The following NRXN1 variants were observed in gnomAD, a reference collection of about 807,000 sequenced individuals.
NRXN1 encodes the protein neurexin 1.
Under a neutral mutation model 150.9 loss-of-function variants are expected in NRXN1, and 39 were observed. The observed-to-expected ratio is 0.26, with a 90% CI of 0.20 to 0.34. The LOEUF is 0.34. NRXN1 is among the 10% of genes least tolerant of loss of function. The pLI is 1.00. For missense variants in NRXN1, 1,815 were observed against 1,949.9 expected (o/e 0.93, Z 1.30); for synonymous variants, 924 against 757.0 (o/e 1.22, Z -3.62).
intron 8 of NRXN1, among the ~76,000 whole-genome samples, chr2:50,562,338 G>GATAGATAA (rs1669217767): frequency 6.6e-6 from 1 of 150,450 alleles, no homozygotes; most frequent in Admixed American, 6.6e-5. Context: ...ACGATAGATA[G>GATAGATAA]ATAGATAGAT....
At chr2:50,129,539 A>G (rs114259134) in intron 18 of NRXN1, among the ~76,000 whole-genome samples, 2,472 of 152,318 alleles carry the variant, frequency 0.016, 77 homozygotes, top group African/African-American at 0.056. Context: ...CAAGTTAAAG[A>G]AATTTTATTT....
chr2:50,362,288 T>C (rs999971046), intron 17 of NRXN1, among the ~76,000 whole-genome samples: 2 of 152,154 alleles, frequency 1.3e-5, no homozygotes, highest in Admixed American at 6.5e-5. Context: ...GGTATTCAAA[T>C]AGGAAATAGG....
At chr2:50,208,685 C>T (rs1187595929) in intron 18 of NRXN1, among the ~76,000 whole-genome samples, 1 of 152,010 alleles carries the variant, frequency 6.6e-6, no homozygotes, top group African/African-American at 2.4e-5. Context: ...TATCCACTGT[C>T]CTCAGTTTGG....
At chr2:50,054,819 T>G in intron 20 of NRXN1, 136 bp downstream of exon 20, 1 of 572,576 alleles carries the variant, frequency 1.7e-6, no homozygotes, top group Non-Finnish European at 3.0e-6. Context: ...ACTATCTACA[T>G]TTTACTGTTT....
intron 5 of NRXN1, among the ~76,000 whole-genome samples, chr2:50,865,580 A>ATATGTGTGTGTG (rs1554164774): frequency 1.5e-5 from 2 of 130,702 alleles, no homozygotes; most frequent in African/African-American, 2.9e-5. Flanking sequence ...AAATATATAA[A>ATATGTGTGTGTG]TGTGTGTGTG....
chr2:50,933,157 T>A (rs1204358122), intron 2 of NRXN1, among the ~76,000 whole-genome samples: 1 of 152,104 alleles, frequency 6.6e-6, no homozygotes. Context: ...CCACTAGAAA[T>A]CAAAGAAAGA....
intron 5 of NRXN1, among the ~76,000 whole-genome samples, chr2:50,652,814 A>C (rs941902630): frequency 1.3e-5 from 2 of 152,036 alleles, no homozygotes; most frequent in Admixed American, 1.3e-4. Context: ...GCAATGTATG[A>C]AGGTTCCATT....
rs987086972 is a variant in NRXN1, at chr2:50,352,779, T to TATAATAATAATA, written c.3364+112651_3364+112662dup. On this transcript the variant is annotated intron_variant, in intron 17 of 22. Transcript: ENST00000401669. The stretch of plus-strand genomic sequence containing the variant: ...ATAATAATAATAATAATAATAATAT[T>TATAATAATAATA]ATAATAATAATAATAATAATAATAA... 3.2e-5 allele frequency among the ~76,000 whole-genome samples: 3 copies of TATAATAATAATA among 94,346 alleles called. No individual in the cohort carries two copies. The South Asian group carries it at 1.1e-3, about 35-fold the overall frequency. 61.9% of individuals were successfully genotyped at this position (94,346 alleles called of 152,430 possible).
intron 17 of NRXN1, among the ~76,000 whole-genome samples, chr2:50,265,752 T>G (rs1371976179): frequency 6.6e-6 from 1 of 152,096 alleles, no homozygotes; most frequent in Non-Finnish European, 1.5e-5. Flanking sequence ...TCCGAGCATA[T>G]GTCCTCCTCA....
intron 17 of NRXN1, among the ~76,000 whole-genome samples, chr2:50,460,059 T>C (rs1024812393): frequency 4.6e-5 from 7 of 152,122 alleles, no homozygotes; most frequent in Non-Finnish European, 8.8e-5. Context: ...TGTCTTTCCT[T>C]GAGAATAGTT....
intron 17 of NRXN1, among the ~76,000 whole-genome samples, chr2:50,430,735 A>T (rs951953694): frequency 6.6e-6 from 1 of 152,194 alleles, no homozygotes; most frequent in Admixed American, 6.5e-5. Flanking sequence ...TACTGCTGAG[A>T]ACATTTCAAC....
At chr2:50,306,517 G>A (rs753200521) in intron 17 of NRXN1, among the ~76,000 whole-genome samples, 1 of 152,188 alleles carries the variant, frequency 6.6e-6, no homozygotes, top group Non-Finnish European at 1.5e-5. Context: ...TTTCACAGCT[G>A]ACTTGAGCTC....
chr2:50,666,293 G>A (rs944183412), intron 5 of NRXN1, among the ~76,000 whole-genome samples: 17 of 152,022 alleles, frequency 1.1e-4, no homozygotes, highest in Non-Finnish European at 2.2e-4. Flanking sequence ...GTCTATGCAA[G>A]TTCTGGTGGT....
intron 19 of NRXN1, among the ~76,000 whole-genome samples, chr2:50,063,352 C>T (rs1378804906): frequency 6.6e-6 from 1 of 152,036 alleles, no homozygotes; most frequent in Non-Finnish European, 1.5e-5. Context: ...ATGTAAAAGC[C>T]GAATACACAT....
chr2:50,249,881 G>T (rs1474593405), intron 17 of NRXN1, among the ~76,000 whole-genome samples: 1 of 151,972 alleles, frequency 6.6e-6, no homozygotes, highest in Non-Finnish European at 1.5e-5. Flanking sequence ...CAGGTGATCC[G>T]CCCGTCTTGG....
intron 5 of NRXN1, 24 bp from the exon 6 acceptor site, chr2:50,623,639 A>C: frequency 3.2e-6 from 5 of 1,543,754 alleles, no homozygotes; most frequent in Non-Finnish European, 4.4e-6. Context: ...GATGATACAT[A>C]CATAAGTAAA....
chr2:50,078,355 C>A (rs1697396798), intron 19 of NRXN1, among the ~76,000 whole-genome samples: 1 of 147,878 alleles, frequency 6.8e-6, no homozygotes, highest in Admixed American at 7.0e-5. Flanking sequence ...AGGTGGAAAC[C>A]ATTTCTAAAC....
chr2:50,860,817 C>T (rs1676019811), intron 5 of NRXN1, among the ~76,000 whole-genome samples: 1 of 152,074 alleles, frequency 6.6e-6, no homozygotes, highest in African/African-American at 2.4e-5. Flanking sequence ...GAATCTAAGA[C>T]TAAAGTGCCA....
At chr2:50,982,599 T>C (rs186691669) in intron 2 of NRXN1, among the ~76,000 whole-genome samples, 1 of 152,240 alleles carries the variant, frequency 6.6e-6, no homozygotes, top group African/African-American at 2.4e-5. Context: ...CAGATACAAC[T>C]AGAAGCATTT....
Sources: gnomAD v4.1 joint callset for allele counts (sites outside exome capture counted in the v4.1 genomes callset) on GRCh38, gnomAD v4.1.1 for gene constraint, MANE v1.5 for transcripts, NCBI Gene and HGNC (gene_info 2026-07-23, HGNC 2026-07-21) for gene names.